The following SHBG variants were observed in gnomAD, a reference collection of about 807,000 sequenced individuals.
The protein encoded by SHBG is sex hormone binding globulin.
SHBG carries 37 observed loss-of-function variants against 41.9 expected under a neutral mutation model. The observed-to-expected ratio is 0.88, with a 90% CI of 0.68 to 1.16. The LOEUF is 1.16. Among genes scored for constraint, SHBG ranks in the 50% most tolerant of loss-of-function variants. The pLI, the probability that SHBG is intolerant of heterozygous loss-of-function variation, is 0.00. For synonymous variants in SHBG, 217 were observed against 205.8 expected, an observed-to-expected ratio of 1.05 and a Z score of -0.47; for missense variants, 466 against 499.9, an observed-to-expected ratio of 0.93 and a Z score of 0.65.
intron 1 of SHBG, among the ~76,000 whole-genome samples, chr17:7,619,704 T>G (rs1003530547): frequency 6.7e-6 from 1 of 149,352 alleles, no homozygotes; most frequent in African/African-American, 2.5e-5. Context: ...AGAGCGGAAC[T>G]TCGTCTCAAA....
intron 1 of SHBG, among the ~76,000 whole-genome samples, chr17:7,617,461 G>A (rs2072014296): frequency 6.6e-6 from 1 of 151,870 alleles, no homozygotes; most frequent in African/African-American, 2.4e-5. Flanking sequence ...AAATTAGCTG[G>A]GCATGGTGGC....
chr17:7,631,079 C>A, intron 3 of SHBG, 121 bp from the exon 4 acceptor site: 1 of 1,113,850 alleles, frequency 9.0e-7, no homozygotes, highest in Non-Finnish European at 1.3e-6. Context: ...TGACCCAAGG[C>A]CAAGGATGCT....
intron 1 of SHBG, among the ~76,000 whole-genome samples, chr17:7,620,165 T>G (rs1377271828): frequency 6.6e-6 from 1 of 150,898 alleles, no homozygotes; most frequent in Non-Finnish European, 1.5e-5. Flanking sequence ...AAAAGAGACA[T>G]CAAGAAGTGG....
chr17:7,626,406 G>A, upstream of SHBG: 1 of 1,606,692 alleles, frequency 6.2e-7, no homozygotes, highest in South Asian at 1.1e-5. Context: ...CAGCTGATGG[G>A]GAAGGAGAAA....
chr17:7,633,097 G>T, intron 7 of SHBG, 107 bp from the exon 8 acceptor site: 1 of 1,450,212 alleles, frequency 6.9e-7, no homozygotes, highest in Non-Finnish European at 9.7e-7. Context: ...GCAGTGGAAG[G>T]TAGTGCTTTT....
chr17:7,627,944 G>A (rs529265790), upstream of SHBG: 9 of 513,956 alleles, frequency 1.8e-5, no homozygotes, highest in Admixed American at 5.1e-5. This position sits in a 1 kb window ranked among gnomAD's most constrained non-coding sequence, Gnocchi z 4.8. Context: ...TCCCCCCCAA[G>A]CCCCACCCCC....
In SHBG at chr17:7,632,026, ACAGTGGGG is replaced by A. The variant is rs1446598427; in HGVS notation, c.852+14_852+21del. ...CACCTCCAAGATCAAGTAAAGGGGG[ACAGTGGGG>A]CATTGCCTGTATTCAGTGGAGCCTG... On this transcript the variant is annotated intron_variant, in intron 6 of 7. Coordinates refer to ENST00000380450, the MANE Select transcript of SHBG (RefSeq NM_001040.5). The A allele has an allele frequency of 3.1e-6, 5 of 1,612,426 alleles. No homozygotes were observed. The Admixed American group carries it at 8.3e-5, about 27-fold the overall frequency.
In SHBG at chr17:7,631,804, C is replaced by T. The variant is rs577755384; in HGVS notation, c.715+56C>T. The T allele has an allele frequency of 1.5e-4, 246 of 1,612,312 alleles. 2 individuals carry two copies. In the African/African-American group the frequency reaches 2.6e-3, roughly 17 times the overall value. ...CCTGGCCAGCTCAGCCTGCCTCTGTCCCCCTCTACCACTGGCCCCTTTCCT... is the reference window on the plus strand; with the variant it reads ...CCTGGCCAGCTCAGCCTGCCTCTGTTCCCCTCTACCACTGGCCCCTTTCCT... On this transcript the variant is annotated intron_variant, in intron 5 of 7. Coordinates refer to ENST00000380450, the MANE Select transcript of SHBG (RefSeq NM_001040.5).
At position 7,630,629 on chromosome 17, in the gene SHBG, GT is replaced by G; in HGVS notation, c.204-49del. ...CACCATCTCCCCCAAACCCACACTG[GT>G]TCTCAAAGGACACATGACATACACA... On this transcript the variant is annotated intron_variant, in intron 2 of 7. Transcript: ENST00000380450. This position sits in a 1 kb window ranked among gnomAD's most constrained non-coding sequence, Gnocchi z 4.6. 1 of 1,573,806 alleles carries G rather than the reference GT, an allele frequency of 6.4e-7. No homozygotes were observed.
Position 7,631,880 on chromosome 17 carries a change from C to T in SHBG, c.717C>T (p.Asp239=). 1.2e-6 allele frequency: 2 copies of T among 1,614,056 alleles called. No homozygotes were observed. Among genetic ancestry groups the T allele is most frequent in the Non-Finnish European group, 1.7e-6 (2 of 1,180,024 alleles). The part of the protein sequence containing the change: ...PGTQAEFNLR[D]IPQPHAEPWA... ...CAGGATAATCATTTCTCCCCACAGA[C>T]ATTCCCCAGCCTCATGCAGAGCCCT... The change falls in exon 6 of 8, where the codon GAC becomes GAT. Residue 239 remains aspartate (D), a splice_region_variant and synonymous_variant. Coordinates refer to ENST00000380450, the MANE Select transcript of SHBG (RefSeq NM_001040.5).
At chr17:7,620,269 T>A (rs2072067140) in intron 1 of SHBG, among the ~76,000 whole-genome samples, 1 of 152,184 alleles carries the variant, frequency 6.6e-6, no homozygotes, top group Non-Finnish European at 1.5e-5. Context: ...AGTCCAATAC[T>A]AGCCTGGACA....
chr17:7,628,635 G>A (rs1282431711), upstream of SHBG, among the ~76,000 whole-genome samples: 1 of 151,658 alleles, frequency 6.6e-6, no homozygotes, highest in African/African-American at 2.4e-5. Context: ...TAGTAGAGAC[G>A]GGGTTTCACT....
At position 7,630,206 on chromosome 17, in the gene SHBG, C is replaced by T; in HGVS notation, c.34C>T (p.Leu12=). The part of the protein sequence containing the change: ...ESRGPLATSR[L]LLLLLLLLLR... ...CAGAGGCCCACTGGCTACCTCGCGC[C>T]TGCTGCTGTTGCTGCTGTTGCTACT... The change falls in exon 1 of 8, where the codon CTG becomes TTG. Residue 12 remains leucine, a synonymous_variant. Coordinates refer to ENST00000380450, the MANE Select transcript of SHBG (RefSeq NM_001040.5). This position sits in a 1 kb window ranked among gnomAD's most constrained non-coding sequence, Gnocchi z 4.6. 1 of 1,613,718 alleles carries T rather than the reference C, an allele frequency of 6.2e-7. No individual in the cohort carries two copies. Among genetic ancestry groups the T allele is most frequent in the Non-Finnish European group, 8.5e-7 (1 of 1,179,824 alleles).
At chr17:7,614,510 C>A in intron 1 of SHBG, 1 of 1,515,122 alleles carries the variant, frequency 6.6e-7, no homozygotes, top group Non-Finnish European at 8.8e-7. Flanking sequence ...CTCCACATCC[C>A]CCCCAGAGGC....
intron 1 of SHBG, among the ~76,000 whole-genome samples, chr17:7,622,902 T>C (rs1382083652): frequency 2.0e-5 from 3 of 148,936 alleles, no homozygotes; most frequent in Non-Finnish European, 3.0e-5. Context: ...CTGGGCGTGG[T>C]GGCAGGCGCC....
chr17:7,630,596 T>C lies in SHBG; in HGVS notation c.204-84T>C, dbSNP rs2072372946. On this transcript the variant is annotated intron_variant, in intron 2 of 7. Coordinates refer to ENST00000380450, the MANE Select transcript of SHBG (RefSeq NM_001040.5). The surrounding 1 kb of genome is among the most constrained non-coding windows in gnomAD (Gnocchi z 4.6). ...TCTTTTCCCTGTCTTCCTTTCCTTA[T>C]CTGTGAACACCATCTCCCCCAAACC... is the stretch of plus-strand genomic sequence containing the variant. The C allele has an allele frequency of 6.5e-7, 1 of 1,537,240 alleles. No homozygotes were observed. The highest frequency in any genetic ancestry group is 9.0e-7 in the Non-Finnish European group (1 of 1,111,608).
Position 7,632,024 on chromosome 17 carries a change from G to A in SHBG, c.852+9G>A, listed in dbSNP as rs1322111614. ...TCCACCTCCAAGATCAAGTAAAGGG[G>A]GACAGTGGGGCATTGCCTGTATTCA... is the stretch of plus-strand genomic sequence containing the variant. On this transcript the variant is annotated intron_variant, in intron 6 of 7. Coordinates refer to ENST00000380450, the MANE Select transcript of SHBG (RefSeq NM_001040.5). 6.2e-7 allele frequency: 1 copy of A among 1,612,768 alleles called. No homozygotes were observed. The highest frequency in any genetic ancestry group is 2.2e-5 in the East Asian group (1 of 44,888).
At chr17:7,620,921 G>A (rs1226409630) in intron 1 of SHBG, among the ~76,000 whole-genome samples, 1 of 151,542 alleles carries the variant, frequency 6.6e-6, no homozygotes, top group African/African-American at 2.4e-5. Context: ...ATGTGCCACC[G>A]TGCCCAGACA....
chr17:7,630,468 C>T lies in SHBG; in HGVS notation c.164C>T (p.Pro55Leu). ...VHLSNGPGQE[P>L]IAVMTFDLTK... Reference sequence around the variant, plus strand: ...CTCAGCAATGGCCCAGGACAAGAGCCTATCGCTGTCATGACCTTTGACCTC... The same window carrying T: ...CTCAGCAATGGCCCAGGACAAGAGCTTATCGCTGTCATGACCTTTGACCTC... The change falls in exon 2 of 8, where the codon CCT becomes CTT. Residue 55 changes from proline (P) to leucine (L), a missense_variant. Transcript: ENST00000380450. The surrounding 1 kb of genome is among the most constrained non-coding windows in gnomAD (Gnocchi z 4.6). The T allele has an allele frequency of 6.2e-7, 1 of 1,614,174 alleles. No homozygotes were observed. Among genetic ancestry groups the T allele is most frequent in the Non-Finnish European group, 8.5e-7 (1 of 1,180,026 alleles).
Sources: allele counts gnomAD v4.1 joint callset (sites outside exome capture counted in the v4.1 genomes callset), GRCh38; gene constraint gnomAD v4.1.1; non-coding constraint Gnocchi (gnomAD v3.1); transcripts MANE v1.5; gene names NCBI Gene and HGNC (gene_info 2026-07-23, HGNC 2026-07-21).